Variants in TMEM163 observed in about 807,000 individuals in gnomAD.
TMEM163 encodes transmembrane protein 163.
TMEM163 carries 17 observed loss-of-function variants against 29.3 expected under a neutral mutation model. That is an observed-to-expected ratio of 0.58 (90% CI 0.40 to 0.87). TMEM163 has a LOEUF of 0.87. TMEM163 is among the 40% of genes least tolerant of loss of function. The pLI, the probability that TMEM163 is intolerant of heterozygous loss-of-function variation, is 0.00. For synonymous variants in TMEM163, 157 were observed against 160.6 expected (o/e 0.98, Z 0.17); for missense variants, 303 against 381.5 (o/e 0.79, Z 1.71).
chr2:134,544,322 C>T (rs1680735083), intron 4 of TMEM163, among the ~76,000 whole-genome samples: 1 of 152,216 alleles, frequency 6.6e-6, no homozygotes. Flanking sequence ...TCCAGCACCT[C>T]CTTCCTTTCC....
chr2:134,610,508 A>C (rs78707499), intron 2 of TMEM163, among the ~76,000 whole-genome samples: 6,045 of 152,244 alleles, frequency 0.04, 347 homozygotes, highest in East Asian at 0.27. Context: ...TTCCCAAGTG[A>C]TGCTGCTGCT....
chr2:134,648,430 C>G (rs899522645), intron 2 of TMEM163, among the ~76,000 whole-genome samples: 4 of 151,868 alleles, frequency 2.6e-5, no homozygotes, highest in African/African-American at 9.7e-5. Context: ...AGGGAACATT[C>G]GAGCGGGAAA....
intron 2 of TMEM163, among the ~76,000 whole-genome samples, chr2:134,595,142 C>T (rs1251010976): frequency 6.6e-6 from 1 of 150,844 alleles, no homozygotes; most frequent in African/African-American, 2.4e-5. Context: ...ACTTTAAGTT[C>T]TAGGGTACAT....
At chr2:134,544,694 C>T (rs1275594965) in intron 4 of TMEM163, among the ~76,000 whole-genome samples, 4 of 152,162 alleles carry the variant, frequency 2.6e-5, no homozygotes, top group African/African-American at 9.7e-5. Context: ...GCTCGGGAGG[C>T]TGAGGCAGGA....
intron 2 of TMEM163, among the ~76,000 whole-genome samples, chr2:134,616,591 A>C (rs1006621623): frequency 6.6e-6 from 1 of 152,202 alleles, no homozygotes; most frequent in Non-Finnish European, 1.5e-5. Context: ...GATGGAGCTC[A>C]TGTTGAGAAA....
intron 2 of TMEM163, among the ~76,000 whole-genome samples, chr2:134,712,707 G>T (rs553716576): frequency 1.8e-4 from 28 of 151,924 alleles, no homozygotes; most frequent in African/African-American, 6.5e-4. Flanking sequence ...TTGTTTCCAC[G>T]GCCACTGAAA....
At chr2:134,594,284 G>T (rs1056512040) in intron 2 of TMEM163, among the ~76,000 whole-genome samples, 1 of 149,540 alleles carries the variant, frequency 6.7e-6, no homozygotes, top group African/African-American at 2.5e-5. Flanking sequence ...GAGAGAGGGG[G>T]TGGGAAATGT....
At chr2:134,647,884 CTG>C (rs1280245489) in intron 2 of TMEM163, among the ~76,000 whole-genome samples, 5 of 152,352 alleles carry the variant, frequency 3.3e-5, no homozygotes, top group African/African-American at 1.2e-4. Context: ...GAGCAAAACT[CTG>C]TGTGGCCCCG....
chr2:134,645,184 C>G (rs938031023), intron 2 of TMEM163, among the ~76,000 whole-genome samples: 4 of 152,182 alleles, frequency 2.6e-5, no homozygotes, highest in Admixed American at 1.3e-4. Context: ...ATGGTATAAC[C>G]AGTCTTGAAA....
rs368166776 is a variant in TMEM163 at position 134,631,024 on chromosome 2, T to A, written c.323-78933A>T. ...TCAAACACTTGAGGGAAAAAAAAAA[T>A]TGGTTTAAAAAGGGAAAACCAGCAA... On this transcript the variant is annotated intron_variant, in intron 2 of 7. Coordinates refer to ENST00000281924, the MANE Select transcript of TMEM163 (RefSeq NM_030923.5). 7.8e-5 allele frequency among the ~76,000 whole-genome samples: 11 copies of A among 141,612 alleles called. No homozygotes were observed. In the East Asian group the frequency reaches 9.9e-4, roughly 13 times the overall value. 92.9% of individuals were successfully genotyped at this position (141,612 alleles called of 152,430 possible). A position where few individuals can be genotyped will look rare whatever the true frequency, so the allele number is the denominator to read the frequency against.
chr2:134,459,639 G>T (rs1686489280), intron 6 of TMEM163, among the ~76,000 whole-genome samples: 1 of 151,516 alleles, frequency 6.6e-6, no homozygotes, highest in African/African-American at 2.4e-5. Flanking sequence ...TTCTGCCCGG[G>T]TTCCCTCCTC....
At chr2:134,683,231 T>C (rs1476333846) in intron 2 of TMEM163, among the ~76,000 whole-genome samples, 1 of 152,104 alleles carries the variant, frequency 6.6e-6, no homozygotes, top group Non-Finnish European at 1.5e-5. Flanking sequence ...TGAGCCCTAA[T>C]GTAAATAATG....
At chr2:134,701,371 A>G (rs1446200632) in intron 2 of TMEM163, among the ~76,000 whole-genome samples, 6 of 152,218 alleles carry the variant, frequency 3.9e-5, no homozygotes, top group Non-Finnish European at 8.8e-5. Context: ...AGGACACCCA[A>G]TAAAACAGAA....
chr2:134,480,307 A>C (rs187401645), intron 5 of TMEM163, among the ~76,000 whole-genome samples: 1 of 152,122 alleles, frequency 6.6e-6, no homozygotes, highest in East Asian at 1.9e-4. Context: ...CTCTGCCTGG[A>C]GGTTCCACAC....
chr2:134,607,768 G>C (rs1682406922), intron 2 of TMEM163, among the ~76,000 whole-genome samples: 1 of 63,068 alleles, frequency 1.6e-5, no homozygotes, highest in Non-Finnish European at 3.2e-5. Flanking sequence ...CTGGTGAAAA[G>C]GACAGACCCC....
chr2:134,506,464 T>C (rs1490361408), intron 4 of TMEM163, among the ~76,000 whole-genome samples: 1 of 152,228 alleles, frequency 6.6e-6, no homozygotes, highest in Non-Finnish European at 1.5e-5. Flanking sequence ...ACCCAGGTTT[T>C]TGTTTTTCTG....
intron 2 of TMEM163, among the ~76,000 whole-genome samples, chr2:134,709,102 G>A (rs1232873378): frequency 1.3e-5 from 2 of 152,178 alleles, no homozygotes; most frequent in African/African-American, 4.8e-5. Flanking sequence ...CTGTAACAAA[G>A]ATATCAGTGA....
chr2:134,706,472 C>A (rs1684815462), intron 2 of TMEM163, among the ~76,000 whole-genome samples: 1 of 152,064 alleles, frequency 6.6e-6, no homozygotes, highest in South Asian at 2.1e-4. Context: ...GTGCCGAAAG[C>A]AATAACACAA....
At chr2:134,593,988 T>G (rs558961053) in intron 2 of TMEM163, among the ~76,000 whole-genome samples, 1 of 151,966 alleles carries the variant, frequency 6.6e-6, no homozygotes, top group Non-Finnish European at 1.5e-5. Context: ...TTAATGAAAT[T>G]TTCAGGTTCT....
Sources: gnomAD v4.1 joint callset for allele counts (sites outside exome capture counted in the v4.1 genomes callset) on GRCh38, gnomAD v4.1.1 for gene constraint, MANE v1.5 for transcripts, NCBI Gene and HGNC (gene_info 2026-07-23, HGNC 2026-07-21) for gene names.